The following NBAS variants were observed in gnomAD, a reference collection of about 807,000 sequenced individuals.
NBAS encodes the protein NAG/BC035112 fusion.
In NBAS, 219 loss-of-function variants were observed where a neutral mutation model predicts 302.5. The observed-to-expected ratio is 0.72, with a 90% confidence interval of 0.65 to 0.81. The LOEUF (loss-of-function observed/expected upper bound fraction) is 0.81. Among genes scored for constraint, NBAS ranks in the 30% least tolerant of loss-of-function variants. The pLI is 0.00. For synonymous variants in NBAS, 1,118 were observed against 1,021.6 expected, an observed-to-expected ratio of 1.09 and a Z score of -1.80; for missense variants, 2,932 against 2,841.6, an observed-to-expected ratio of 1.03 and a Z score of -0.72.
the NBAS span, among the ~76,000 whole-genome samples, chr2:15,034,256 G>GAAAGAAAC: frequency 1.0e-5 from 1 of 96,340 alleles, no homozygotes; most frequent in South Asian, 3.5e-4. Context: ...AAGAAAGAAA[G>GAAAGAAAC]AAAGAAAGAA....
intron 23 of NBAS, among the ~76,000 whole-genome samples, chr2:15,423,363 A>G (rs1024755580): frequency 2.0e-5 from 3 of 152,196 alleles, no homozygotes; most frequent in African/African-American, 7.2e-5. Context: ...CAAATAATTC[A>G]TCTTCAATGC....
chr2:14,964,949 G>T, the NBAS span, among the ~76,000 whole-genome samples: 2 of 151,882 alleles, frequency 1.3e-5, no homozygotes, highest in African/African-American at 2.4e-5. Flanking sequence ...TATAATCAAA[G>T]AATAAATCAA....
chr2:15,007,052 C>G, the NBAS span, among the ~76,000 whole-genome samples: 2 of 152,202 alleles, frequency 1.3e-5, no homozygotes, highest in Non-Finnish European at 2.9e-5. Context: ...GAATTCTTAA[C>G]CACCCCAGGG....
intron 40 of NBAS, among the ~76,000 whole-genome samples, chr2:15,299,910 T>C (rs1355142064): frequency 1.3e-5 from 2 of 152,186 alleles, no homozygotes; most frequent in Non-Finnish European, 2.9e-5. Context: ...CACTTGAGTT[T>C]TGGGGTCACA....
At chr2:15,267,823 C>G (rs1404770359) in intron 44 of NBAS, among the ~76,000 whole-genome samples, 2 of 152,036 alleles carry the variant, frequency 1.3e-5, no homozygotes, top group Non-Finnish European at 2.9e-5. Context: ...TACTTATAAA[C>G]AAACAAAAAT....
chr2:15,448,431 T>C (rs1419154359), intron 21 of NBAS, among the ~76,000 whole-genome samples: 3 of 152,170 alleles, frequency 2.0e-5, no homozygotes, highest in South Asian at 2.1e-4. Flanking sequence ...ATCTCCCATT[T>C]CACACTTGAA....
the NBAS span, among the ~76,000 whole-genome samples, chr2:15,039,243 A>T: frequency 1.3e-5 from 2 of 152,176 alleles, no homozygotes; most frequent in Non-Finnish European, 2.9e-5. Context: ...GCCAAGTACA[A>T]AGCTATTGGC....
chr2:15,438,789 G>A (rs1195957036), intron 21 of NBAS, among the ~76,000 whole-genome samples: 10 of 152,098 alleles, frequency 6.6e-5, no homozygotes. Context: ...CAAAAATCCT[G>A]GGAGGGGTCC....
At chr2:14,878,639 T>C in the NBAS span, among the ~76,000 whole-genome samples, 7 of 152,296 alleles carry the variant, frequency 4.6e-5, no homozygotes, top group East Asian at 1.4e-3. Context: ...TATTTTTAAG[T>C]AGACTCTATT....
the NBAS span, among the ~76,000 whole-genome samples, chr2:14,913,822 C>T: frequency 6.6e-6 from 1 of 152,078 alleles, no homozygotes; most frequent in Non-Finnish European, 1.5e-5. Flanking sequence ...AGAAAGACAC[C>T]AAAGATCTGT....
At chr2:15,219,662 A>G (rs1396931532) in intron 47 of NBAS, among the ~76,000 whole-genome samples, 1 of 138,464 alleles carries the variant, frequency 7.2e-6, no homozygotes, top group South Asian at 2.5e-4. Flanking sequence ...GATCAACAGG[A>G]TCCCAAGGCA....
rs562771445 is a variant in NBAS at position 15,312,418 on chromosome 2, C to T, written c.4583-3171G>A. Among the ~76,000 whole-genome samples the T allele has an allele frequency of 2.0e-5, 3 of 152,234 alleles. No homozygotes were observed. In the South Asian group the frequency reaches 6.2e-4, roughly 32 times the overall value. On this transcript the variant is annotated intron_variant, in intron 38 of 51. Coordinates refer to ENST00000281513, the MANE Select transcript of NBAS (RefSeq NM_015909.4). ...CCTCCCATGTAGCTAGAATGACAGG[C>T]GTGTGCCACCACACCAGACTATTGC...
intron 28 of NBAS, among the ~76,000 whole-genome samples, chr2:15,387,471 A>C (rs1012141429): frequency 1.5e-4 from 23 of 152,212 alleles, no homozygotes; most frequent in African/African-American, 5.5e-4. Flanking sequence ...AAATGATGAC[A>C]ATATAGAAAG....
the NBAS span, among the ~76,000 whole-genome samples, chr2:14,915,962 T>G: frequency 6.6e-6 from 1 of 152,178 alleles, no homozygotes; most frequent in Non-Finnish European, 1.5e-5. Context: ...CTGCCATGAT[T>G]GTGAGGCCTC....
chr2:15,049,042 C>T, the NBAS span, among the ~76,000 whole-genome samples: 7 of 152,206 alleles, frequency 4.6e-5, no homozygotes, highest in African/African-American at 1.2e-4. Context: ...GTCAGCCAGG[C>T]GAAGGGACTT....
chr2:15,436,840 C>A (rs1262577426), intron 21 of NBAS, among the ~76,000 whole-genome samples: 1 of 152,122 alleles, frequency 6.6e-6, no homozygotes, highest in East Asian at 1.9e-4. Context: ...AAGCTTTCAT[C>A]GTTTTTGATT....
chr2:15,415,124 T>C (rs1425020862), intron 25 of NBAS, among the ~76,000 whole-genome samples: 1 of 152,210 alleles, frequency 6.6e-6, no homozygotes, highest in African/African-American at 2.4e-5. Context: ...GTTTCTCTAC[T>C]TACTGTGCAA....
At chr2:15,401,069 C>T (rs905149537) in intron 26 of NBAS, among the ~76,000 whole-genome samples, 1 of 151,996 alleles carries the variant, frequency 6.6e-6, no homozygotes, top group African/African-American at 2.4e-5. Context: ...GTCAGGCTGT[C>T]TGACTGTAAG....
At chr2:15,061,604 T>C in the NBAS span, among the ~76,000 whole-genome samples, 1 of 152,208 alleles carries the variant, frequency 6.6e-6, no homozygotes. Flanking sequence ...CCACAGTTTC[T>C]GCATCCCAGT....
Sources: gnomAD v4.1 joint callset for allele counts (sites outside exome capture counted in the v4.1 genomes callset) on GRCh38, gnomAD v4.1.1 for gene constraint, MANE v1.5 for transcripts, NCBI Gene and HGNC (gene_info 2026-07-23, HGNC 2026-07-21) for gene names.